The following CHRM3 variants were observed in gnomAD, a reference collection of about 807,000 sequenced individuals.
The protein encoded by CHRM3 is cholinergic receptor muscarinic 3.
Under a neutral mutation model 41.8 loss-of-function variants are expected in CHRM3, and 11 were observed. That is an observed-to-expected ratio of 0.26 (90% confidence interval 0.17 to 0.44). CHRM3 has a LOEUF of 0.44. CHRM3 is among the 20% of genes least tolerant of loss of function. CHRM3 has a pLI of 1.00. For missense variants in CHRM3, 571 were observed against 745.4 expected, an observed-to-expected ratio of 0.77 and a Z score of 2.72; for synonymous variants, 297 against 301.4, an observed-to-expected ratio of 0.99 and a Z score of 0.15.
intron 1 of CHRM3, among the ~76,000 whole-genome samples, chr1:239,473,609 TAATG>T (rs1666277658): frequency 2.0e-5 from 3 of 152,100 alleles, no homozygotes; most frequent in Non-Finnish European, 2.9e-5. Context: ...AATTTTATAA[TAATG>T]AAAGCCAGAA....
At chr1:239,783,594 C>A (rs1668667467) in intron 5 of CHRM3, among the ~76,000 whole-genome samples, 1 of 151,998 alleles carries the variant, frequency 6.6e-6, no homozygotes, top group African/African-American at 2.4e-5. Context: ...ATGCATGAGT[C>A]TAAAGTCTGA....
chr1:239,461,215 G>T (rs58716948), intron 1 of CHRM3, among the ~76,000 whole-genome samples: 9,795 of 152,110 alleles, frequency 0.064, 593 homozygotes, highest in African/African-American at 0.16. Flanking sequence ...ATTTATATGG[G>T]TTATAGGTTC....
chr1:239,776,676 T>C (rs2148769684), intron 5 of CHRM3, among the ~76,000 whole-genome samples: 1 of 152,304 alleles, frequency 6.6e-6, no homozygotes, highest in African/African-American at 2.4e-5. Context: ...CTTGTATTAG[T>C]CCATTCTCAT....
At chr1:239,513,071 C>T (rs975476266) in intron 2 of CHRM3, among the ~76,000 whole-genome samples, 3 of 152,136 alleles carry the variant, frequency 2.0e-5, no homozygotes, top group Non-Finnish European at 2.9e-5. Context: ...ATTCTGACAA[C>T]AAAATTCCAG....
chr1:239,765,899 C>G (rs1667165396), intron 5 of CHRM3, among the ~76,000 whole-genome samples: 1 of 151,500 alleles, frequency 6.6e-6, no homozygotes, highest in Admixed American at 6.6e-5. Flanking sequence ...TCACTGCAAC[C>G]TCCACCTTCT....
At chr1:239,657,230 G>T (rs1444786374) in intron 4 of CHRM3, among the ~76,000 whole-genome samples, 1 of 152,180 alleles carries the variant, frequency 6.6e-6, no homozygotes, top group Non-Finnish European at 1.5e-5. Context: ...TTTTGCAGTG[G>T]AATGTGAAGA....
Position 239,828,846 on chromosome 1 carries a change from G to A in CHRM3, c.-20+1468G>A, listed in dbSNP as rs543647396. On this transcript the variant is annotated intron_variant, in intron 6 of 6. Coordinates refer to ENST00000676153, the MANE Select transcript of CHRM3 (RefSeq NM_001375978.1). ...TCACTCTGCCTGCTGTGCGGATAGC[G>A]GATGGGAGGAGATCTAAGATGAACA... 1.8e-4 allele frequency among the ~76,000 whole-genome samples: 27 copies of A among 152,264 alleles called. No individual in the cohort carries two copies. The South Asian group carries it at 5.0e-3, about 28-fold the overall frequency.
At chr1:239,560,420 A>G (rs1257972613) in intron 3 of CHRM3, among the ~76,000 whole-genome samples, 7 of 152,324 alleles carry the variant, frequency 4.6e-5, no homozygotes, top group South Asian at 2.1e-4. Flanking sequence ...GAAAAACTCC[A>G]AAGTAATTCT....
rs1188864327 is a variant in CHRM3, at chr1:239,912,259, C to T, written c.*3035C>T. ...GATGGTTAGGAGAAGTGAGCTCTCT[C>T]TGGTCCCCTAGATCCCTCGGCTCTG... On this transcript the variant is annotated 3_prime_UTR_variant, in exon 7 of 7. Transcript: ENST00000676153. 1 of 167,162 alleles carries T rather than the reference C, an allele frequency of 6.0e-6. No individual in the cohort carries two copies. Among genetic ancestry groups the T allele is most frequent in the Non-Finnish European group, 1.5e-5 (1 of 68,236 alleles). The allele number at this position is 167,162 out of a possible 1,614,324, so 10.4% of individuals were successfully genotyped here. A position where few individuals can be genotyped will look rare whatever the true frequency, so the allele number is the denominator to read the frequency against.
intron 3 of CHRM3, among the ~76,000 whole-genome samples, chr1:239,563,573 G>C (rs1434598277): frequency 6.6e-6 from 1 of 152,148 alleles, no homozygotes; most frequent in African/African-American, 2.4e-5. Context: ...TAGGTTCACA[G>C]AATCTAGATT....
intron 3 of CHRM3, among the ~76,000 whole-genome samples, chr1:239,576,492 C>A (rs894094127): frequency 3.3e-5 from 5 of 151,730 alleles, no homozygotes; most frequent in Admixed American, 2.6e-4. Context: ...CCTATAATCT[C>A]AGTGCTTTGG....
chr1:239,908,446 G>T lies in CHRM3; in HGVS notation c.995G>T (p.Ser332Ile). The T allele has an allele frequency of 6.2e-7, 1 of 1,613,782 alleles. No homozygotes were observed. Among genetic ancestry groups the T allele is most frequent in the South Asian group, 1.1e-5 (1 of 91,036 alleles). Reference protein sequence around the residue: ...PSSEQMDQDHSSSDSWNNNDA... With the variant: ...PSSEQMDQDHISSDSWNNNDA... ...TCCGAGCAGATGGACCAAGACCACAGCAGCAGTGACAGTTGGAACAACAAT... is the reference window on the plus strand; with the variant it reads ...TCCGAGCAGATGGACCAAGACCACATCAGCAGTGACAGTTGGAACAACAAT... Residue 332 changes from serine to isoleucine, a missense_variant, in exon 7 of 7, where the codon AGC becomes ATC. Ser to Ile is a moderately radical substitution (Grantham distance 142). Around this residue, in one of 5 missense-constraint regions of CHRM3, gnomAD observed 239 missense variants for 239.6 expected, o/e 1.00. Coordinates refer to ENST00000676153, the MANE Select transcript of CHRM3 (RefSeq NM_001375978.1). This position sits in a 1 kb window ranked among gnomAD's most constrained non-coding sequence, Gnocchi z 7.2.
intron 3 of CHRM3, among the ~76,000 whole-genome samples, chr1:239,598,033 G>A (rs1180125205): frequency 6.6e-6 from 1 of 151,908 alleles, no homozygotes; most frequent in Non-Finnish European, 1.5e-5. Flanking sequence ...ATTAATTCCT[G>A]GGCCTTAAAC....
At position 239,466,479 on chromosome 1, in the gene CHRM3, T is replaced by A. The variant is rs367605767; in HGVS notation, c.-520-26230T>A. Among the ~76,000 whole-genome samples, 13 of 152,234 alleles carry A rather than the reference T, an allele frequency of 8.5e-5. 1 individual carries two copies. In the South Asian group the frequency reaches 1.7e-3, roughly 19 times the overall value. ...TGGTTAACAATAAACAATAGTTAAG[T>A]TTTGGGGGACTCAAAAGTTATATGT... On this transcript the variant is annotated intron_variant, in intron 1 of 6. Transcript: ENST00000676153.
chr1:239,650,255 A>G (rs996172171), intron 4 of CHRM3, among the ~76,000 whole-genome samples: 9 of 152,218 alleles, frequency 5.9e-5, no homozygotes, highest in Non-Finnish European at 1.3e-4. Context: ...TGAACAATGA[A>G]TGACGATACT....
intron 2 of CHRM3, among the ~76,000 whole-genome samples, chr1:239,542,724 T>A (rs962993228): frequency 1.3e-5 from 2 of 152,192 alleles, no homozygotes; most frequent in Non-Finnish European, 2.9e-5. Flanking sequence ...TAAGATGCAA[T>A]GAAATGGGCA....
intron 1 of CHRM3, among the ~76,000 whole-genome samples, chr1:239,449,449 A>T (rs1285803428): frequency 3.3e-5 from 5 of 152,282 alleles, no homozygotes; most frequent in Non-Finnish European, 7.4e-5. Flanking sequence ...GGAGGTGACT[A>T]TGAAGGTCAT....
At chr1:239,722,942 T>C (rs1201457409) in intron 5 of CHRM3, among the ~76,000 whole-genome samples, 1 of 151,990 alleles carries the variant, frequency 6.6e-6, no homozygotes, top group Non-Finnish European at 1.5e-5. Flanking sequence ...TGGTTGATTA[T>C]GTCATCACTG....
At chr1:239,640,190 C>T (rs1480722507) in intron 4 of CHRM3, among the ~76,000 whole-genome samples, 3 of 151,898 alleles carry the variant, frequency 2.0e-5, no homozygotes, top group African/African-American at 7.3e-5. Flanking sequence ...AGGATTTTTG[C>T]ATCAATGTTC....
Sources: allele counts gnomAD v4.1 joint callset (sites outside exome capture counted in the v4.1 genomes callset), GRCh38; gene constraint gnomAD v4.1.1; regional missense constraint gnomAD v4.1.1; non-coding constraint Gnocchi (gnomAD v3.1); transcripts MANE v1.5; gene names NCBI Gene and HGNC (gene_info 2026-07-23, HGNC 2026-07-21).